The following MSI2 variants were observed in gnomAD, a reference collection of about 807,000 sequenced individuals.
The protein encoded by MSI2 is musashi RNA binding protein 2.
Under a neutral mutation model 45.6 loss-of-function variants are expected in MSI2, and 17 were observed. The observed-to-expected ratio is 0.37, with a 90% CI of 0.26 to 0.56. The LOEUF is 0.56. MSI2 is among the 20% of genes least tolerant of loss of function. MSI2 has a pLI of 0.77. For synonymous variants in MSI2, 156 were observed against 158.2 expected (o/e 0.99, Z 0.11); for missense variants, 293 against 444.2 (o/e 0.66, Z 3.06).
intron 5 of MSI2, among the ~76,000 whole-genome samples, chr17:57,373,528 G>A (rs1283527067): frequency 6.6e-6 from 1 of 152,228 alleles, no homozygotes; most frequent in South Asian, 2.1e-4. Context: ...GAATTTGTTT[G>A]AGGGCATTAA....
intron 11 of MSI2, among the ~76,000 whole-genome samples, chr17:57,669,894 G>T (rs1912659203): frequency 6.6e-6 from 1 of 152,204 alleles, no homozygotes; most frequent in Non-Finnish European, 1.5e-5. Flanking sequence ...GGCCACTGCG[G>T]TCTTCTGCCT....
intron 7 of MSI2, among the ~76,000 whole-genome samples, chr17:57,547,416 G>T (rs2087194732): frequency 6.6e-6 from 1 of 152,180 alleles, no homozygotes. Flanking sequence ...GTTTATTGGA[G>T]AAGTGCAGTG....
rs1178813599 is a variant in MSI2 at position 57,596,903 on chromosome 17, G to A, written c.490G>A (p.Val164Met). 6.2e-7 allele frequency: 1 copy of A among 1,613,706 alleles called. No homozygotes were observed. Among genetic ancestry groups the A allele is most frequent in the Non-Finnish European group, 8.5e-7 (1 of 1,179,610 alleles). ...GFVTFENEDV[V>M]EKVCEIHFHE... Reference sequence around the variant, plus strand: ...TGTCACTTTTGAGAATGAAGATGTTGTGGAGAAAGTCTGTGAGATTCATTT... The same window carrying A: ...TGTCACTTTTGAGAATGAAGATGTTATGGAGAAAGTCTGTGAGATTCATTT... The change falls in exon 8 of 14, where the codon GTG becomes ATG. Residue 164 changes from valine to methionine, a missense_variant. Val to Met is a conservative substitution (Grantham distance 21). Transcript: ENST00000284073. This position sits in a 1 kb window ranked among gnomAD's most constrained non-coding sequence, Gnocchi z 4.6.
Position 57,627,635 on chromosome 17 carries a change from A to G in MSI2, c.727+332A>G. ...TCACTGGGGACTGAACTCTAGGCCC[A>G]GGGCTTTCTTTCACCCTCTACCACC... On this transcript the variant is annotated intron_variant, in intron 10 of 13. Coordinates refer to ENST00000284073, the MANE Select transcript of MSI2 (RefSeq NM_138962.4). The surrounding 1 kb of genome is among the most constrained non-coding windows in gnomAD (Gnocchi z 4.6). 1 of 374,480 alleles carries G rather than the reference A, an allele frequency of 2.7e-6. No homozygotes were observed. The highest frequency in any genetic ancestry group is 7.8e-4 in the Middle Eastern group (1 of 1,280). The allele number at this position is 374,480 out of a possible 1,614,324, so 23.2% of individuals were successfully genotyped here.
chr17:57,360,726 T>C (rs774564501), intron 5 of MSI2, among the ~76,000 whole-genome samples: 76 of 152,382 alleles, frequency 5.0e-4, no homozygotes, highest in Non-Finnish European at 8.8e-4. Flanking sequence ...TTTTAGAATA[T>C]GGGAAGAGCG....
intron 9 of MSI2, among the ~76,000 whole-genome samples, chr17:57,621,810 A>G (rs1008587576): frequency 2.6e-5 from 4 of 152,216 alleles, no homozygotes; most frequent in Non-Finnish European, 5.9e-5. Flanking sequence ...CCCAATGGGA[A>G]TTCCTTAAAA....
chr17:57,620,982 T>C (rs1908235501), intron 9 of MSI2, among the ~76,000 whole-genome samples: 1 of 152,224 alleles, frequency 6.6e-6, no homozygotes, highest in Admixed American at 6.5e-5. Flanking sequence ...GCCCTCTGTT[T>C]TGCCCATTGG....
intron 11 of MSI2, among the ~76,000 whole-genome samples, chr17:57,668,811 C>T (rs555858701): frequency 1.3e-5 from 2 of 152,304 alleles, no homozygotes; most frequent in East Asian, 3.9e-4. Flanking sequence ...GTATTTTCCC[C>T]CTTCCCTTCT....
intron 6 of MSI2, among the ~76,000 whole-genome samples, chr17:57,480,049 C>T (rs2085618055): frequency 1.3e-5 from 2 of 152,264 alleles, no homozygotes; most frequent in African/African-American, 4.8e-5. Context: ...GCAGTCTCAG[C>T]TCACTCTGCC....
At position 57,256,581 on chromosome 17, in the gene MSI2, C is replaced by T. The variant is rs1821636219; in HGVS notation, c.-162C>T. On this transcript the variant is annotated 5_prime_UTR_variant, in exon 1 of 14. Coordinates refer to ENST00000284073, the MANE Select transcript of MSI2 (RefSeq NM_138962.4). Reference sequence around the variant, plus strand: ...CACGTGTGACGGCTCTCGCCGCTGCCCCGGCTCCGCCGCTCGCAGAGAGAT... The same window carrying T: ...CACGTGTGACGGCTCTCGCCGCTGCTCCGGCTCCGCCGCTCGCAGAGAGAT... The T allele has an allele frequency of 2.5e-6, 1 of 398,416 alleles. No homozygotes were observed. Among genetic ancestry groups the T allele is most frequent in the Non-Finnish European group, 4.4e-6 (1 of 228,394 alleles). 24.7% of individuals were successfully genotyped at this position (398,416 alleles called of 1,614,324 possible). A position where few individuals can be genotyped will look rare whatever the true frequency, so the allele number is the denominator to read the frequency against.
rs201631242 is a variant in MSI2 at position 57,295,409 on chromosome 17, AC to A, written c.312+33220del. ...GCATATCAAAGATGGGTTGTGTCACACCCACTGAGCATTTTACACAAATAAG... is the reference window on the plus strand; with the variant it reads ...GCATATCAAAGATGGGTTGTGTCACACCACTGAGCATTTTACACAAATAAG... On this transcript the variant is annotated intron_variant, in intron 5 of 13. Transcript: ENST00000284073. Among the ~76,000 whole-genome samples, 536 of 152,260 alleles carry A rather than the reference AC, an allele frequency of 3.5e-3. 13 individuals are homozygous for A. The highest frequency in any genetic ancestry group is 0.021 in the East Asian group (108 of 5,188).
At chr17:57,323,336 T>A (rs12944425) in intron 5 of MSI2, among the ~76,000 whole-genome samples, 14,757 of 151,940 alleles carry the variant, frequency 0.097, 908 homozygotes, top group Non-Finnish European at 0.15. Flanking sequence ...ACTGAGAGAG[T>A]CCGTTTTCCC....
At chr17:57,417,855 C>T (rs2084324106) in intron 6 of MSI2, among the ~76,000 whole-genome samples, 1 of 152,216 alleles carries the variant, frequency 6.6e-6, no homozygotes. Flanking sequence ...TATCAGGTGT[C>T]CCAAATCAAA....
intron 5 of MSI2, among the ~76,000 whole-genome samples, chr17:57,309,216 C>T (rs1468552547): frequency 6.6e-6 from 1 of 152,210 alleles, no homozygotes; most frequent in Non-Finnish European, 1.5e-5. Context: ...ATCTATTCTA[C>T]TGGGCTTAAT....
intron 11 of MSI2, among the ~76,000 whole-genome samples, chr17:57,654,023 G>A (rs1246884944): frequency 6.6e-6 from 1 of 151,468 alleles, no homozygotes; most frequent in Non-Finnish European, 1.5e-5. Flanking sequence ...TTCTAGGTCA[G>A]CCATGCTCAT....
chr17:57,541,322 G>T (rs2087041696), intron 7 of MSI2, among the ~76,000 whole-genome samples: 1 of 152,270 alleles, frequency 6.6e-6, no homozygotes, highest in East Asian at 1.9e-4. Context: ...CATTAGAGTG[G>T]CGTTTCTAGC....
At chr17:57,423,948 A>T (rs2084443837) in intron 6 of MSI2, among the ~76,000 whole-genome samples, 3 of 152,238 alleles carry the variant, frequency 2.0e-5, no homozygotes, top group Admixed American at 2.0e-4. Flanking sequence ...GAAAGCAAGC[A>T]CAGATAATTA....
At position 57,552,109 on chromosome 17, in the gene MSI2, C is replaced by G. The variant is rs917678717; in HGVS notation, c.454+22385C>G. Among the ~76,000 whole-genome samples the G allele has an allele frequency of 2.6e-5, 4 of 152,190 alleles. No individual in the cohort carries two copies. Among genetic ancestry groups the G allele is most frequent in the Non-Finnish European group, 4.4e-5 (3 of 68,024 alleles). On this transcript the variant is annotated intron_variant, in intron 7 of 13. Transcript: ENST00000284073. The surrounding 1 kb of genome is among the most constrained non-coding windows in gnomAD (Gnocchi z 4.3). The stretch of plus-strand genomic sequence containing the variant: ...CCAGCTCATGTGACCTTCAGCAGGT[C>G]TCTCCTGCTGCTGCCCCAGGACTGG...
intron 5 of MSI2, among the ~76,000 whole-genome samples, chr17:57,368,537 G>A (rs557098700): frequency 6.6e-5 from 10 of 152,254 alleles, no homozygotes; most frequent in South Asian, 2.1e-4. Context: ...CCTGGGTGAC[G>A]GAGTGAGACT....
Sources: allele counts gnomAD v4.1 joint callset (sites outside exome capture counted in the v4.1 genomes callset), GRCh38; gene constraint gnomAD v4.1.1; non-coding constraint Gnocchi (gnomAD v3.1); transcripts MANE v1.5; gene names NCBI Gene and HGNC (gene_info 2026-07-23, HGNC 2026-07-21).